L2HGDH: variants seen among roughly 807,000 people sequenced by gnomAD.
The protein encoded by L2HGDH is L-2-hydroxyglutarate dehydrogenase, mitochondrial.
L2HGDH carries 34 observed loss-of-function variants against 51.5 expected under a neutral mutation model. The ratio of observed to expected loss-of-function variants is 0.66; its 90% CI spans 0.50 to 0.88. The LOEUF (loss-of-function observed/expected upper bound fraction) is 0.88, where lower values mean the gene tolerates loss of function less well. Ranked by LOEUF, L2HGDH falls within the 40% of genes least tolerant of loss-of-function variation. The pLI, the probability that L2HGDH is intolerant of heterozygous loss-of-function variation, is 0.00. For missense variants in L2HGDH, 558 were observed against 571.9 expected, an observed-to-expected ratio of 0.98 and a Z score of 0.25; for synonymous variants, 198 against 197.9, an observed-to-expected ratio of 1.00 and a Z score of -0.01.
intron 9 of L2HGDH, among the ~76,000 whole-genome samples, chr14:50,261,570 C>A (rs1386964156): frequency 6.6e-6 from 1 of 152,068 alleles, no homozygotes; most frequent in African/African-American, 2.4e-5. Context: ...GTAGCTTCAG[C>A]ATCCTGGGCT....
intron 1 of L2HGDH, among the ~76,000 whole-genome samples, chr14:50,308,461 G>T (rs1395078967): frequency 6.6e-6 from 1 of 150,778 alleles, no homozygotes; most frequent in East Asian, 1.9e-4. Flanking sequence ...TACACAGATG[G>T]CAAAGAAGCA....
rs772323973 is a variant in L2HGDH at position 50,302,113 on chromosome 14, T to C, written c.312A>G (p.Lys104=). The change falls in exon 3 of 10, where the codon AAA becomes AAG. Residue 104 remains lysine (K), a synonymous_variant. Coordinates refer to ENST00000267436, the MANE Select transcript of L2HGDH (RefSeq NM_024884.3). The stretch of plus-strand genomic sequence containing the variant: ...ATAATTTGGCTTTCAGAGACTCAGG[T>C]TTATAATAAATTCCACTATGTATGA... ...SGVIHSGIYY[K]PESLKAKLCV... is the part of the protein sequence containing the mutation. 1.9e-6 allele frequency: 3 copies of C among 1,613,984 alleles called. No homozygotes were observed. Among genetic ancestry groups the C allele is most frequent in the Non-Finnish European group, 2.5e-6 (3 of 1,179,964 alleles).
chr14:50,267,140 T>G (rs995411294), intron 8 of L2HGDH, among the ~76,000 whole-genome samples: 3 of 145,034 alleles, frequency 2.1e-5, no homozygotes, highest in Non-Finnish European at 3.0e-5. Context: ...TTATCTTCTT[T>G]TTATTTTTAT....
In L2HGDH at chr14:50,302,150, T is replaced by C. The variant is rs140209047; in HGVS notation, c.275A>G (p.His92Arg). ...TCCACTATGTATGACACCACTGTTA[T>C]GTCCAGTCTGGTGAACAGCTACAGA... ...EKDLAVHQTG[H>R]NSGVIHSGIY... The change falls in exon 3 of 10, where the codon CAT (histidine) becomes CGT (arginine). Residue 92 changes from histidine to arginine, a missense_variant. Physicochemically the swap from His to Arg is conservative, Grantham distance 29. Transcript: ENST00000267436. The C allele has an allele frequency of 1.3e-5, 21 of 1,614,032 alleles. No individual in the cohort carries two copies. In the African/African-American group the frequency reaches 2.0e-4, roughly 15 times the overall value.
At chr14:50,273,314 CCT>C (rs1036315242) in intron 6 of L2HGDH, among the ~76,000 whole-genome samples, 4 of 152,214 alleles carry the variant, frequency 2.6e-5, no homozygotes, top group Non-Finnish European at 4.4e-5. Context: ...TCCAGGCACC[CCT>C]GTCTTTACCT....
chr14:50,271,755 C>T (rs1420080533), intron 6 of L2HGDH, among the ~76,000 whole-genome samples: 2 of 152,132 alleles, frequency 1.3e-5, no homozygotes, highest in African/African-American at 2.4e-5. Flanking sequence ...CCATGCATGT[C>T]TGTTGCTCTT....
chr14:50,312,068 C>T lies in L2HGDH; in HGVS notation c.83G>A (p.Gly28Glu), dbSNP rs751365583. The T allele has an allele frequency of 3.1e-6, 5 of 1,599,980 alleles. No homozygotes were observed. The highest frequency in any genetic ancestry group is 4.5e-5 in the East Asian group (2 of 44,356). ...CGGTCTTGGCCTCCCAGACGCGAACCCGCACGCCCCAGGGGAGCCACCGGC... is the reference window on the plus strand; with the variant it reads ...CGGTCTTGGCCTCCCAGACGCGAACTCGCACGCCCCAGGGGAGCCACCGGC... ...LFAGGSPGAC[G>E]FASGRPRPLC... Residue 28 changes from glycine to glutamate, a missense_variant, in exon 1 of 10, where the codon GGG (glycine) becomes GAG (glutamate). Around this residue, in one of 3 missense-constraint regions of L2HGDH, gnomAD observed 194 missense variants for 187.2 expected, o/e 1.04. Transcript: ENST00000267436.
intron 7 of L2HGDH, 35 bp downstream of exon 7, chr14:50,269,128 G>T: frequency 3.8e-6 from 6 of 1,562,464 alleles, no homozygotes; most frequent in Non-Finnish European, 5.3e-6. Context: ...CCACCTGCTT[G>T]AAAAAAATGA....
At chr14:50,311,232 A>G in intron 1 of L2HGDH, 1 of 416,932 alleles carries the variant, frequency 2.4e-6, no homozygotes, top group South Asian at 1.7e-5. Flanking sequence ...AACCCTTTTA[A>G]ATAGCTTCCC....
chr14:50,301,339 T>C (rs1595143897), intron 3 of L2HGDH, among the ~76,000 whole-genome samples: 1 of 152,274 alleles, frequency 6.6e-6, no homozygotes, highest in East Asian at 1.9e-4. Flanking sequence ...CCAATATAAA[T>C]GAAAACATAT....
intron 2 of L2HGDH, 21 bp downstream of exon 2, chr14:50,302,878 GAAC>G (rs1566539696): frequency 6.7e-7 from 1 of 1,490,208 alleles, no homozygotes; most frequent in Admixed American, 1.7e-5. Flanking sequence ...TAAGCCCAAA[GAAC>G]AACATTGATT....
chr14:50,251,797 G>C (rs1357758113), intron 9 of L2HGDH, among the ~76,000 whole-genome samples: 1 of 151,992 alleles, frequency 6.6e-6, no homozygotes. Context: ...AAGCATGAAG[G>C]AGAAATACTT....
At chr14:50,279,758 G>GTAT (rs1890161276) in intron 5 of L2HGDH, among the ~76,000 whole-genome samples, 1 of 152,084 alleles carries the variant, frequency 6.6e-6, no homozygotes, top group African/African-American at 2.4e-5. Flanking sequence ...TCCCTTTCAT[G>GTAT]GTTCTTGAAA....
intron 9 of L2HGDH, among the ~76,000 whole-genome samples, chr14:50,253,922 C>T (rs182135176): frequency 2.0e-5 from 3 of 152,090 alleles, no homozygotes; most frequent in Admixed American, 6.6e-5. Context: ...AAGCCAGGCA[C>T]GGAAAGACAA....
intron 5 of L2HGDH, among the ~76,000 whole-genome samples, chr14:50,282,974 C>T (rs1041045453): frequency 2.0e-5 from 3 of 151,160 alleles, no homozygotes; most frequent in South Asian, 2.1e-4. Context: ...CTCGGGAGTT[C>T]GATACCAGCC....
At chr14:50,259,547 A>T (rs1888889484) in intron 9 of L2HGDH, among the ~76,000 whole-genome samples, 1 of 151,534 alleles carries the variant, frequency 6.6e-6, no homozygotes. Flanking sequence ...CTTAAAAATT[A>T]TCCAGGTGCA....
intron 9 of L2HGDH, among the ~76,000 whole-genome samples, chr14:50,253,791 T>A (rs907665701): frequency 3.3e-5 from 5 of 152,038 alleles, no homozygotes; most frequent in African/African-American, 1.2e-4. Context: ...TAGGTGTCCA[T>A]CAACAGATGA....
At chr14:50,292,979 C>A (rs1595131169) in intron 4 of L2HGDH, among the ~76,000 whole-genome samples, 1 of 151,952 alleles carries the variant, frequency 6.6e-6, no homozygotes, top group South Asian at 2.1e-4. Context: ...ATCACTTGAG[C>A]CCAGGAGTTC....
intron 9 of L2HGDH, among the ~76,000 whole-genome samples, chr14:50,252,917 C>T (rs1307552602): frequency 6.6e-6 from 1 of 152,084 alleles, no homozygotes; most frequent in Admixed American, 6.6e-5. Flanking sequence ...ACTTAATCTG[C>T]ACTACAGAAC....
Sources: allele counts gnomAD v4.1 joint callset (sites outside exome capture counted in the v4.1 genomes callset), GRCh38; gene constraint gnomAD v4.1.1; regional missense constraint gnomAD v4.1.1; transcripts MANE v1.5; gene names NCBI Gene and HGNC (gene_info 2026-07-23, HGNC 2026-07-21).